METTL16: variants seen among roughly 807,000 people sequenced by gnomAD.
METTL16 encodes methyltransferase 16, RNA N6-adenosine.
In METTL16, 19 loss-of-function variants were observed where a neutral mutation model predicts 57.9. That is an observed-to-expected ratio of 0.33 (90% CI 0.23 to 0.48). The LOEUF (loss-of-function observed/expected upper bound fraction) is 0.48, where lower values mean the gene tolerates loss of function less well. METTL16 is among the 20% of genes least tolerant of loss of function. The probability of loss-of-function intolerance (pLI) is 0.99; values close to 1 mark genes in which losing one functional copy is unlikely to be tolerated. For synonymous variants in METTL16, 246 were observed against 255.6 expected (o/e 0.96, Z 0.36); for missense variants, 434 against 691.5 (o/e 0.63, Z 4.18).
rs1220112048 is a variant in METTL16 at position 2,485,220 on chromosome 17, T to C, written c.129-7335A>G. On this transcript the variant is annotated intron_variant, in intron 2 of 9. Coordinates refer to ENST00000263092, the MANE Select transcript of METTL16 (RefSeq NM_024086.4). ...CATGCGAGGGATCTAGGTTGAGCAC[T>C]CCTTGAGGATCTAAAGCCTGATGAT... Among the ~76,000 whole-genome samples, 52 of 152,182 alleles carry C rather than the reference T, an allele frequency of 3.4e-4. 1 individual carries two copies. The highest frequency in any genetic ancestry group is 1.5e-4 in the Non-Finnish European group (10 of 68,030).
intron 8 of METTL16, among the ~76,000 whole-genome samples, chr17:2,431,533 C>T (rs1032597843): frequency 6.6e-6 from 1 of 152,086 alleles, no homozygotes; most frequent in Non-Finnish European, 1.5e-5. Flanking sequence ...AAGCTCAGCT[C>T]TCATAAATCT....
rs979122685 is a variant in METTL16 at position 2,420,957 on chromosome 17, A to G, written c.889-53T>C. The G allele has an allele frequency of 1.9e-6, 3 of 1,580,256 alleles. No individual in the cohort carries two copies. The African/African-American group carries it at 4.1e-5, about 22-fold the overall frequency. On this transcript the variant is annotated intron_variant, in intron 8 of 9. Coordinates refer to ENST00000263092, the MANE Select transcript of METTL16 (RefSeq NM_024086.4). This position sits in a 1 kb window ranked among gnomAD's most constrained non-coding sequence, Gnocchi z 5.4. Reference sequence around the variant, plus strand: ...AGAAGAAAGTTATCCGAATAATTAAACCTCATGCATTGTAATGAACTCAGA... The same window carrying G: ...AGAAGAAAGTTATCCGAATAATTAAGCCTCATGCATTGTAATGAACTCAGA...
intron 6 of METTL16, among the ~76,000 whole-genome samples, chr17:2,448,942 G>A (rs1192082800): frequency 2.7e-5 from 4 of 149,524 alleles, no homozygotes; most frequent in South Asian, 2.1e-4. Flanking sequence ...CATGAGAATC[G>A]CTTGAACCTG....
In METTL16 at chr17:2,510,318, T is replaced by C. The variant is rs141001033; in HGVS notation, c.-1+1441A>G. On this transcript the variant is annotated intron_variant, in intron 1 of 9. Transcript: ENST00000263092. ...ATTGGTAACATTTCAAGCCCTCTCCTAGCTATTTTGAAATATACATTGTTG... is the reference window on the plus strand; with the variant it reads ...ATTGGTAACATTTCAAGCCCTCTCCCAGCTATTTTGAAATATACATTGTTG... Among the ~76,000 whole-genome samples, 596 of 152,312 alleles carry C rather than the reference T, an allele frequency of 3.9e-3. 5 individuals are homozygous for C. The highest frequency in any genetic ancestry group is 0.013 in the African/African-American group (545 of 41,572).
intron 8 of METTL16, among the ~76,000 whole-genome samples, chr17:2,435,615 G>C (rs1176864017): frequency 6.6e-6 from 1 of 152,224 alleles, no homozygotes; most frequent in Non-Finnish European, 1.5e-5. Context: ...AGCGGCTGAA[G>C]TGCGTCTAAC....
intron 8 of METTL16, among the ~76,000 whole-genome samples, chr17:2,435,926 G>A (rs1597442321): frequency 1.3e-5 from 2 of 152,262 alleles, no homozygotes; most frequent in African/African-American, 4.8e-5. Context: ...AAATAAGCTG[G>A]TTTTGTTAAC....
intron 2 of METTL16, among the ~76,000 whole-genome samples, chr17:2,483,560 G>A (rs931956146): frequency 4.6e-5 from 7 of 151,984 alleles, no homozygotes; most frequent in African/African-American, 1.7e-4. Flanking sequence ...TCATTTATGG[G>A]GGCTAATAAA....
At chr17:2,494,558 G>GT (rs747600685) in intron 2 of METTL16, among the ~76,000 whole-genome samples, 25 of 151,988 alleles carry the variant, frequency 1.6e-4, no homozygotes, top group Non-Finnish European at 2.2e-4. Context: ...TTTGTTTTTT[G>GT]TTTTTTTGTG....
chr17:2,420,727 G>C lies in METTL16; in HGVS notation c.1062+4C>G. On this transcript the variant is annotated splice_donor_region_variant and intron_variant, in intron 9 of 9. Transcript: ENST00000263092. This position sits in a 1 kb window ranked among gnomAD's most constrained non-coding sequence, Gnocchi z 5.4. ...GTACTTCGTCAATATGGTTAAGCAG[G>C]TACCTTCAAATCAGTGAGAATTTTT... The C allele has an allele frequency of 6.2e-7, 1 of 1,611,376 alleles. No homozygotes were observed. Among genetic ancestry groups the C allele is most frequent in the Admixed American group, 1.7e-5 (1 of 59,412 alleles).
intron 7 of METTL16, among the ~76,000 whole-genome samples, chr17:2,438,745 C>T (rs1275818497): frequency 5.3e-5 from 8 of 152,222 alleles, no homozygotes; most frequent in Non-Finnish European, 2.9e-5. Context: ...CCGCCCACCT[C>T]GGCCTCCCAA....
chr17:2,432,667 C>T (rs2066882050), intron 8 of METTL16, among the ~76,000 whole-genome samples: 1 of 152,118 alleles, frequency 6.6e-6, no homozygotes, highest in Non-Finnish European at 1.5e-5. Flanking sequence ...TTGCAACTTC[C>T]GGCATAAATG....
intron 2 of METTL16, among the ~76,000 whole-genome samples, chr17:2,481,591 T>C (rs966070386): frequency 2.0e-5 from 3 of 152,126 alleles, no homozygotes; most frequent in Admixed American, 6.6e-5. Flanking sequence ...ATATGAACTA[T>C]ATCTCAATAA....
At chr17:2,449,540 A>C (rs910734088) in intron 6 of METTL16, among the ~76,000 whole-genome samples, 2 of 151,878 alleles carry the variant, frequency 1.3e-5, no homozygotes, top group Non-Finnish European at 2.9e-5. Context: ...AACAAACAAA[A>C]AAAAACAAAG....
chr17:2,504,432 T>A (rs983675109), intron 1 of METTL16, among the ~76,000 whole-genome samples: 1 of 152,252 alleles, frequency 6.6e-6, no homozygotes, highest in African/African-American at 2.4e-5. Context: ...TGAGTCTTTT[T>A]TTTTAAATCA....
chr17:2,448,801 T>TAAAAAAAAAAAAAAAAAAAAAA (rs1567889993), intron 6 of METTL16, among the ~76,000 whole-genome samples: 1 of 47,420 alleles, frequency 2.1e-5, no homozygotes, highest in Non-Finnish European at 3.6e-5. Context: ...AAAATAAAAT[T>TAAAAAAAAAAAAAAAAAAAAAA]TAAAAAAAAA....
intron 6 of METTL16, chr17:2,460,265 C>G (rs1213669820): frequency 6.6e-6 from 1 of 152,040 alleles, no homozygotes; most frequent in Admixed American, 6.6e-5. Context: ...GGCAGTGTTT[C>G]CCATATATGA....
intron 2 of METTL16, among the ~76,000 whole-genome samples, chr17:2,484,338 A>G (rs1304992087): frequency 6.6e-6 from 1 of 152,198 alleles, no homozygotes; most frequent in Admixed American, 6.5e-5. Flanking sequence ...AATTAAACCA[A>G]AGAAATGTGA....
rs945648907 is a variant in METTL16, at chr17:2,482,254, T to C, written c.129-4369A>G. The stretch of plus-strand genomic sequence containing the variant: ...GCGAAACCATACGTAACAAAATCAA[T>C]TTTTTTCTCATCACTTATAAGGAAA... On this transcript the variant is annotated intron_variant, in intron 2 of 9. Coordinates refer to ENST00000263092, the MANE Select transcript of METTL16 (RefSeq NM_024086.4). 4.6e-5 allele frequency among the ~76,000 whole-genome samples: 7 copies of C among 152,264 alleles called. No individual in the cohort carries two copies. The East Asian group carries it at 7.7e-4, about 17-fold the overall frequency.
At chr17:2,450,007 G>A (rs575111232) in intron 6 of METTL16, among the ~76,000 whole-genome samples, 13 of 152,226 alleles carry the variant, frequency 8.5e-5, no homozygotes, top group Middle Eastern at 3.4e-3. Flanking sequence ...TGGTGTCAAC[G>A]GAAACTCTCA....
Sources: allele counts gnomAD v4.1 joint callset (sites outside exome capture counted in the v4.1 genomes callset), GRCh38; gene constraint gnomAD v4.1.1; non-coding constraint Gnocchi (gnomAD v3.1); transcripts MANE v1.5; gene names NCBI Gene and HGNC (gene_info 2026-07-23, HGNC 2026-07-21).